CIROZ: variants seen among roughly 807,000 people sequenced by gnomAD.
CIROZ encodes ciliated left-right organizer protein containing ZP-N domains.
the CIROZ span, chr1:10,964,084 T>A: frequency 6.2e-7 from 1 of 1,604,914 alleles, no homozygotes; most frequent in East Asian, 2.2e-5. Flanking sequence ...AAGCCCAGCC[T>A]GGGAGGTCCC....
the CIROZ span, among the ~76,000 whole-genome samples, chr1:10,977,753 T>C: frequency 3.9e-5 from 6 of 152,124 alleles, no homozygotes; most frequent in Non-Finnish European, 8.8e-5. Context: ...TAGAGCACCA[T>C]AAGATAGCAC....
At chr1:10,957,250 T>C in the CIROZ span, 1 of 662,772 alleles carries the variant, frequency 1.5e-6, no homozygotes, top group East Asian at 2.9e-5. Flanking sequence ...GGTCAGGGAT[T>C]ATGGCGCCGA....
the CIROZ span, chr1:10,949,674 C>T: frequency 1.9e-6 from 3 of 1,606,656 alleles, no homozygotes; most frequent in East Asian, 2.2e-5. Context: ...GAAAGCCATT[C>T]CTGGGCAGCT....
At chr1:10,948,062 G>A in the CIROZ span, 1 of 1,613,418 alleles carries the variant, frequency 6.2e-7, no homozygotes, top group Non-Finnish European at 8.5e-7. Context: ...GCCTCACCCT[G>A]GGCATCCCGG....
the CIROZ span, chr1:10,964,116 C>G: frequency 2.5e-6 from 4 of 1,613,182 alleles, no homozygotes; most frequent in Non-Finnish European, 2.5e-6. Context: ...CCAGACCCCC[C>G]GAACCCATTA....
the CIROZ span, among the ~76,000 whole-genome samples, chr1:10,974,288 C>T: frequency 3.9e-3 from 594 of 152,150 alleles, 2 homozygotes; most frequent in Non-Finnish European, 6.4e-3. This position sits in a 1 kb window ranked among gnomAD's most constrained non-coding sequence, Gnocchi z 4.4. Context: ...AAGCCCAGGG[C>T]ACAGCCAAAG....
the CIROZ span, among the ~76,000 whole-genome samples, chr1:10,957,391 C>T: frequency 6.6e-6 from 1 of 152,248 alleles, no homozygotes; most frequent in Admixed American, 6.5e-5. Flanking sequence ...ACGCTCCTGC[C>T]GCCATGATCA....
chr1:10,958,899 C>T, the CIROZ span: 2 of 722,444 alleles, frequency 2.8e-6, no homozygotes, highest in African/African-American at 1.8e-5. Context: ...CTCATTAAGA[C>T]AAGAAAATCA....
At chr1:10,973,957 C>CG in the CIROZ span, among the ~76,000 whole-genome samples, 2 of 116,568 alleles carry the variant, frequency 1.7e-5, no homozygotes, top group South Asian at 4.5e-4. Flanking sequence ...CCAGGAAGGA[C>CG]CCCCCCCACC....
At chr1:10,966,427 G>A in the CIROZ span, 4 of 1,536,806 alleles carry the variant, frequency 2.6e-6, no homozygotes, top group South Asian at 1.2e-5. Context: ...CCAGATGCAG[G>A]AAGTAGCCAC....
chr1:10,954,433 A>G, the CIROZ span, among the ~76,000 whole-genome samples: 2 of 150,174 alleles, frequency 1.3e-5, no homozygotes, highest in African/African-American at 2.5e-5. Context: ...CAGCCTGGGC[A>G]ACAGAGCGAG....
chr1:10,957,622 C>G, the CIROZ span: 117 of 1,614,004 alleles, frequency 7.2e-5, no homozygotes, highest in Non-Finnish European at 9.1e-5. Flanking sequence ...TGACCTCCCA[C>G]CTCTGAAGAA....
the CIROZ span, among the ~76,000 whole-genome samples, chr1:10,981,571 A>C: frequency 2.0e-5 from 3 of 151,980 alleles, no homozygotes; most frequent in Non-Finnish European, 4.4e-5. Context: ...GAAGGAAGGA[A>C]AATGAAATTT....
At chr1:10,954,329 C>G in the CIROZ span, among the ~76,000 whole-genome samples, 1 of 151,962 alleles carries the variant, frequency 6.6e-6, no homozygotes, top group African/African-American at 2.4e-5. Context: ...TGGTGGGCAC[C>G]TGTAGTCCCA....
At chr1:10,966,750 A>G in the CIROZ span, among the ~76,000 whole-genome samples, 1 of 151,898 alleles carries the variant, frequency 6.6e-6, no homozygotes, top group Non-Finnish European at 1.5e-5. Flanking sequence ...GCCTCCTCCC[A>G]TGTCCCCCGG....
the CIROZ span, chr1:10,957,599 T>C: frequency 2.5e-6 from 4 of 1,613,162 alleles, no homozygotes; most frequent in African/African-American, 1.3e-5. Context: ...TGGCAGAGCC[T>C]GCTGCCCACC....
the CIROZ span, among the ~76,000 whole-genome samples, chr1:10,972,906 G>A: frequency 7.1e-6 from 1 of 140,706 alleles, no homozygotes; most frequent in African/African-American, 2.7e-5. Flanking sequence ...GGGCAACATA[G>A]CGAGATGCCC....
At chr1:10,950,495 C>T in the CIROZ span, among the ~76,000 whole-genome samples, 37 of 152,182 alleles carry the variant, frequency 2.4e-4, no homozygotes, top group Admixed American at 5.2e-4. Flanking sequence ...CACAGAGAAC[C>T]GGAGAGTGCT....
chr1:10,973,822 C>A, the CIROZ span, among the ~76,000 whole-genome samples: 2 of 152,120 alleles, frequency 1.3e-5, no homozygotes, highest in Admixed American at 6.5e-5. Context: ...AGCTGTGGAT[C>A]GGAGCCTCCT....
Sources: allele counts gnomAD v4.1 joint callset (sites outside exome capture counted in the v4.1 genomes callset), GRCh38; gene constraint gnomAD v4.1.1; non-coding constraint Gnocchi (gnomAD v3.1); transcripts MANE v1.5; gene names NCBI Gene and HGNC (gene_info 2026-07-23, HGNC 2026-07-21).